Variants in ZMYM6 observed in about 807,000 individuals in gnomAD.
ZMYM6 encodes the protein zinc finger MYM-type protein 6.
ZMYM6 carries 90 observed loss-of-function variants against 134.0 expected under a neutral mutation model. The ratio of observed to expected loss-of-function variants is 0.67; its 90% CI spans 0.57 to 0.80. The LOEUF is 0.80. ZMYM6 is among the 30% of genes least tolerant of loss of function. The pLI is 0.00. For missense variants in ZMYM6, 1,362 were observed against 1,533.9 expected, an observed-to-expected ratio of 0.89 and a Z score of 1.87; for synonymous variants, 481 against 524.1, an observed-to-expected ratio of 0.92 and a Z score of 1.12.
At chr1:34,999,066 G>C (rs1027156654) in intron 14 of ZMYM6, among the ~76,000 whole-genome samples, 12 of 152,152 alleles carry the variant, frequency 7.9e-5, no homozygotes, top group African/African-American at 2.9e-4. Context: ...AGGTTGCAGT[G>C]AGCTGAGATC....
chr1:35,001,808 T>C (rs1416336051), intron 14 of ZMYM6, among the ~76,000 whole-genome samples: 9 of 152,144 alleles, frequency 5.9e-5, no homozygotes, highest in African/African-American at 1.9e-4. Context: ...ACACAAATAA[T>C]GAGAGAGTTA....
intron 2 of ZMYM6, 122 bp downstream of exon 2, chr1:35,030,425 C>G: frequency 1.2e-6 from 1 of 862,926 alleles, no homozygotes; most frequent in Non-Finnish European, 1.8e-6. Flanking sequence ...ACAGCGAGAG[C>G]CTGTCTCAGT....
At chr1:35,006,883 T>C in intron 12 of ZMYM6, 68 bp downstream of exon 12, 1 of 1,318,256 alleles carries the variant, frequency 7.6e-7, no homozygotes, top group Non-Finnish European at 9.8e-7. Context: ...TTATATTATT[T>C]ATAACTGTAT....
In ZMYM6 at chr1:35,019,553, T is replaced by C; in HGVS notation, c.228A>G (p.Pro76=). 6.2e-7 allele frequency: 1 copy of C among 1,609,372 alleles called. No individual in the cohort carries two copies. Among genetic ancestry groups the C allele is most frequent in the South Asian group, 1.1e-5 (1 of 89,758 alleles). Residue 76 remains proline, a synonymous_variant, in exon 4 of 16, where the codon CCA becomes CCG. Coordinates refer to ENST00000357182, the MANE Select transcript of ZMYM6 (RefSeq NM_007167.4). ...GFQLSFASSG[P]SVLLPSVPAV... is the part of the protein sequence containing the mutation. The stretch of plus-strand genomic sequence containing the variant: ...CTGGAACTGAAGGAAGCAACACACT[T>C]GGGCCAGATGATGCAAAAGAAAGCT...
At chr1:35,023,623 A>T (rs1017339231) in intron 2 of ZMYM6, among the ~76,000 whole-genome samples, 50 of 143,164 alleles carry the variant, frequency 3.5e-4, no homozygotes, top group African/African-American at 1.2e-3. Flanking sequence ...ATTCAATAAA[A>T]TTTTTTTTTT....
chr1:35,001,602 ACATT>A (rs763822543), intron 14 of ZMYM6, among the ~76,000 whole-genome samples: 6 of 152,188 alleles, frequency 3.9e-5, no homozygotes, highest in Non-Finnish European at 8.8e-5. Context: ...AATATATAAT[ACATT>A]AATACCTTGA....
At chr1:35,002,627 C>T (rs764299101) in intron 14 of ZMYM6, among the ~76,000 whole-genome samples, 6 of 152,176 alleles carry the variant, frequency 3.9e-5, no homozygotes, top group Non-Finnish European at 8.8e-5. Context: ...TGCTTTAATA[C>T]TGCTTTCAGT....
At chr1:35,024,611 C>G (rs1170005408) in intron 2 of ZMYM6, among the ~76,000 whole-genome samples, 1 of 152,170 alleles carries the variant, frequency 6.6e-6, no homozygotes, top group East Asian at 1.9e-4. Flanking sequence ...CCTACCTAAC[C>G]ATTTTTAAAT....
At chr1:35,029,988 A>G (rs781028063) in intron 2 of ZMYM6, among the ~76,000 whole-genome samples, 1 of 152,262 alleles carries the variant, frequency 6.6e-6, no homozygotes, top group Non-Finnish European at 1.5e-5. Context: ...CCCAGAGACT[A>G]GCACAGACCA....
intron 10 of ZMYM6, among the ~76,000 whole-genome samples, chr1:35,010,013 AC>A (rs1327936152): frequency 6.6e-6 from 1 of 151,540 alleles, no homozygotes; most frequent in East Asian, 1.9e-4. Context: ...ATTCAAAAAA[AC>A]CTTTTTTTTT....
At chr1:35,013,985 G>T (rs572697271) in intron 6 of ZMYM6, among the ~76,000 whole-genome samples, 1 of 152,130 alleles carries the variant, frequency 6.6e-6, no homozygotes, top group South Asian at 2.1e-4. Flanking sequence ...CCACCGCGCC[G>T]GCCTTACAAG....
chr1:35,022,807 T>C (rs1341918748), intron 2 of ZMYM6, among the ~76,000 whole-genome samples: 1 of 152,112 alleles, frequency 6.6e-6, no homozygotes, highest in Non-Finnish European at 1.5e-5. Flanking sequence ...AAAGATCACA[T>C]CCATTATGGA....
At position 35,005,207 on chromosome 1, in the gene ZMYM6, C is replaced by A; in HGVS notation, c.1879G>T (p.Val627Phe). The change falls in exon 13 of 16, where the codon GTT becomes TTT. Residue 627 changes from valine to phenylalanine, a missense_variant. Physicochemically the swap from Val to Phe is conservative, Grantham distance 50. Coordinates refer to ENST00000357182, the MANE Select transcript of ZMYM6 (RefSeq NM_007167.4). ...LPSARTDTTP[V>F]ITSVMSLAKI... ...GCCAATGACATCACACTGGTTATAA[C>A]TGGTGTTGTATCTGTCCTTGCAGAA... 1 of 1,614,116 alleles carries A rather than the reference C, an allele frequency of 6.2e-7. No individual in the cohort carries two copies. Among genetic ancestry groups the A allele is most frequent in the African/African-American group, 1.3e-5 (1 of 75,040 alleles).
At chr1:35,017,385 A>G (rs934698952) in intron 4 of ZMYM6, 4 of 152,240 alleles carry the variant, frequency 2.6e-5, no homozygotes, top group Admixed American at 6.5e-5. Context: ...CTGAAAACAG[A>G]GCAATAAAGA....
At chr1:34,996,499 C>A (rs1338619719) in intron 14 of ZMYM6, among the ~76,000 whole-genome samples, 1 of 152,136 alleles carries the variant, frequency 6.6e-6, no homozygotes, top group Non-Finnish European at 1.5e-5. Flanking sequence ...ATTCAATTAT[C>A]CTTAGAGGCA....
chr1:35,015,945 CTTT>C (rs10715166), intron 4 of ZMYM6, among the ~76,000 whole-genome samples: 2 of 134,114 alleles, frequency 1.5e-5, no homozygotes, highest in Admixed American at 7.5e-5. Context: ...TTTTTTCTTT[CTTT>C]TTTTTTTTTT....
chr1:35,002,431 C>A (rs1053339163), intron 14 of ZMYM6, among the ~76,000 whole-genome samples: 2 of 152,124 alleles, frequency 1.3e-5, no homozygotes, highest in African/African-American at 4.8e-5. Context: ...TGTAGTAAAC[C>A]TTTTGTCTCA....
intron 1 of ZMYM6, chr1:35,031,303 CA>C (rs1336531161): frequency 5.9e-5 from 9 of 152,378 alleles, no homozygotes; most frequent in African/African-American, 1.9e-4. Flanking sequence ...TGGGGGGCAT[CA>C]AGCCCCTCAG....
intron 15 of ZMYM6, chr1:34,989,764 G>A (rs1569735255): frequency 6.6e-6 from 1 of 152,218 alleles, no homozygotes; most frequent in Admixed American, 6.5e-5. Flanking sequence ...GCCAGGCATG[G>A]TGGTACATGC....
Sources: gnomAD v4.1 joint callset for allele counts (sites outside exome capture counted in the v4.1 genomes callset) on GRCh38, gnomAD v4.1.1 for gene constraint, MANE v1.5 for transcripts, NCBI Gene and HGNC (gene_info 2026-07-23, HGNC 2026-07-21) for gene names.